Variants in TRA2B observed in about 807,000 individuals in gnomAD.
The protein encoded by TRA2B is transformer-2 protein homolog beta.
TRA2B carries 14 observed loss-of-function variants against 41.7 expected under a neutral mutation model. That is an observed-to-expected ratio of 0.34 (90% CI 0.22 to 0.53). TRA2B has a LOEUF of 0.53. Among genes scored for constraint, TRA2B ranks in the 20% least tolerant of loss-of-function variants. TRA2B has a pLI of 0.95. For missense variants in TRA2B, 167 were observed against 396.8 expected, an observed-to-expected ratio of 0.42 and a Z score of 4.92; for synonymous variants, 130 against 128.8, an observed-to-expected ratio of 1.01 and a Z score of -0.06.
chr3:185,920,419 C>T (rs1480973374), intron 6 of TRA2B, among the ~76,000 whole-genome samples: 1 of 152,194 alleles, frequency 6.6e-6, no homozygotes, highest in Non-Finnish European at 1.5e-5. Context: ...GCGTACTTGG[C>T]TCACTGCAGC....
At position 185,925,461 on chromosome 3, in the gene TRA2B, T is replaced by C. The variant is rs780794499; in HGVS notation, c.333+3A>G. ...CTGCTTCAAAACCAGTTTTTCATCT[T>C]ACCCGATTCCCAACATGACGCCTGC... On this transcript the variant is annotated splice_donor_region_variant and intron_variant, in intron 3 of 8. Coordinates refer to ENST00000453386, the MANE Select transcript of TRA2B (RefSeq NM_004593.3). 18 of 1,611,384 alleles carry C rather than the reference T, an allele frequency of 1.1e-5. No homozygotes were observed. Among genetic ancestry groups the C allele is most frequent in the Non-Finnish European group, 1.5e-5 (18 of 1,179,194 alleles).
At chr3:185,936,378 C>G (rs891262408) in intron 1 of TRA2B, 64 of 985,266 alleles carry the variant, frequency 6.5e-5, no homozygotes, top group Non-Finnish European at 7.6e-5. Flanking sequence ...CTAAAACACT[C>G]GTGACATTGG....
At position 185,937,911 on chromosome 3, in the gene TRA2B, C is replaced by T. The variant is rs1744434242; in HGVS notation, c.-51G>A. 6.2e-7 allele frequency: 1 copy of T among 1,610,420 alleles called. No individual in the cohort carries two copies. Among genetic ancestry groups the T allele is most frequent in the Non-Finnish European group, 8.5e-7 (1 of 1,178,364 alleles). ...ATGTGCTTCAATCGAAGCTGCCAAC[C>T]TCTTGCACCTTCCTTAAGGAGGCTC... On this transcript the variant is annotated 5_prime_UTR_variant, in exon 1 of 9. Coordinates refer to ENST00000453386, the MANE Select transcript of TRA2B (RefSeq NM_004593.3).
chr3:185,919,268 T>C (rs571514549), intron 7 of TRA2B, among the ~76,000 whole-genome samples, 169 bp downstream of exon 7: 1 of 152,356 alleles, frequency 6.6e-6, no homozygotes, highest in Non-Finnish European at 1.5e-5. Context: ...TTAATTTTTA[T>C]AAATATACAA....
At chr3:185,923,561 T>A (rs558057514) in intron 4 of TRA2B, 8 of 344,428 alleles carry the variant, frequency 2.3e-5, no homozygotes, top group Non-Finnish European at 4.2e-5. Context: ...CCTGGCGGAA[T>A]TGGGGTATAG....
intron 1 of TRA2B, chr3:185,928,409 G>A (rs1744031007): frequency 6.6e-6 from 1 of 152,088 alleles, no homozygotes; most frequent in Admixed American, 6.5e-5. Context: ...ACTGTAAAAA[G>A]ATTAAAAGAA....
At chr3:185,918,473 T>C (rs372774628) in intron 7 of TRA2B, 35 bp from the exon 8 acceptor site, 50 of 1,450,138 alleles carry the variant, frequency 3.4e-5, no homozygotes, top group East Asian at 4.5e-5. Flanking sequence ...TAAGTCTCAA[T>C]AGATCACAAT....
Position 185,914,889 on chromosome 3 carries a change from G to A in TRA2B, c.*2826C>T, listed in dbSNP as rs1185391715. Among the ~76,000 whole-genome samples, 1 of 151,750 alleles carries A rather than the reference G, an allele frequency of 6.6e-6. No individual in the cohort carries two copies. Among genetic ancestry groups the A allele is most frequent in the Non-Finnish European group, 1.5e-5 (1 of 67,962 alleles). On this transcript the variant is annotated 3_prime_UTR_variant, in exon 9 of 9. Transcript: ENST00000453386. ...CTTCTAATTCTCAATTTCTCCTCCT[G>A]GGCCTTGCAGAATTGGAATCCTAGT...
intron 1 of TRA2B, among the ~76,000 whole-genome samples, chr3:185,930,281 T>G (rs753304053): frequency 6.6e-6 from 1 of 152,178 alleles, no homozygotes; most frequent in Non-Finnish European, 1.5e-5. Context: ...ATTCACACAT[T>G]TACCTCAGTT....
chr3:185,932,464 T>C (rs748965654), intron 1 of TRA2B, among the ~76,000 whole-genome samples: 2 of 152,156 alleles, frequency 1.3e-5, no homozygotes, highest in Non-Finnish European at 2.9e-5. Flanking sequence ...GATTTTATAG[T>C]ATGAATCATA....
intron 1 of TRA2B, 122 bp downstream of exon 1, chr3:185,937,703 C>T: frequency 1.4e-6 from 2 of 1,382,658 alleles, no homozygotes; most frequent in East Asian, 2.3e-5. Flanking sequence ...CCTTGCCTGC[C>T]CTCCCGGCTT....
intron 3 of TRA2B, 45 bp from the exon 4 acceptor site, chr3:185,924,029 A>C: frequency 6.4e-7 from 1 of 1,553,230 alleles, no homozygotes; most frequent in Non-Finnish European, 8.7e-7. Flanking sequence ...GTTGTCATAA[A>C]ATCAAAGTTG....
chr3:185,918,100 T>C (rs1743573359), intron 8 of TRA2B, among the ~76,000 whole-genome samples: 1 of 152,206 alleles, frequency 6.6e-6, no homozygotes, highest in Non-Finnish European at 1.5e-5. Flanking sequence ...TGGAAATACA[T>C]TATTTACTAT....
At chr3:185,921,026 A>T (rs1479732646) in intron 6 of TRA2B, 78 bp downstream of exon 6, 2 of 1,248,710 alleles carry the variant, frequency 1.6e-6, no homozygotes, top group Admixed American at 3.8e-5. Context: ...CTTTTAACAA[A>T]GGCTAAAACT....
intron 1 of TRA2B, 47 bp from the exon 2 acceptor site, chr3:185,926,781 TTTAAAAAC>T (rs1321592445): frequency 6.2e-7 from 1 of 1,604,788 alleles, no homozygotes; most frequent in Non-Finnish European, 8.5e-7. Flanking sequence ...TCTGGGCAAC[TTTAAAAAC>T]AAATAAGCTG....
At chr3:185,930,949 G>C (rs1744127429) in intron 1 of TRA2B, among the ~76,000 whole-genome samples, 1 of 152,170 alleles carries the variant, frequency 6.6e-6, no homozygotes, top group Non-Finnish European at 1.5e-5. Context: ...TCAATCAGCT[G>C]AAATAGGCAT....
chr3:185,932,326 A>G (rs1744181721), intron 1 of TRA2B, among the ~76,000 whole-genome samples: 1 of 152,168 alleles, frequency 6.6e-6, no homozygotes, highest in Non-Finnish European at 1.5e-5. Context: ...TAGATAGGAT[A>G]AAGAAACGTA....
chr3:185,921,923 C>G, intron 5 of TRA2B, 88 bp downstream of exon 5: 3 of 911,728 alleles, frequency 3.3e-6, no homozygotes, highest in Non-Finnish European at 5.0e-6. Context: ...ATGGCACAAA[C>G]CTAAGTGCTG....
intron 3 of TRA2B, 78 bp from the exon 4 acceptor site, chr3:185,924,062 AGCC>A: frequency 7.8e-7 from 1 of 1,287,958 alleles, no homozygotes; most frequent in Non-Finnish European, 1.1e-6. Flanking sequence ...GCTGTATACT[AGCC>A]AAAATGTCAC....
Sources: gnomAD v4.1 joint callset for allele counts (sites outside exome capture counted in the v4.1 genomes callset) on GRCh38, gnomAD v4.1.1 for gene constraint, MANE v1.5 for transcripts, NCBI Gene and HGNC (gene_info 2026-07-23, HGNC 2026-07-21) for gene names.